The following ANKRD13C variants were observed in gnomAD, a reference collection of about 807,000 sequenced individuals.
ANKRD13C encodes the protein ankyrin repeat domain 13C.
A neutral mutation model predicts 65.5 loss-of-function variants in ANKRD13C; 16 were observed. The ratio of observed to expected loss-of-function variants is 0.24; its 90% CI spans 0.17 to 0.37. The LOEUF is 0.37. ANKRD13C is among the 10% of genes least tolerant of loss of function. The pLI, the probability that ANKRD13C is intolerant of heterozygous loss-of-function variation, is 1.00. For missense variants in ANKRD13C, 503 were observed against 655.9 expected, an observed-to-expected ratio of 0.77 and a Z score of 2.55; for synonymous variants, 235 against 238.7, an observed-to-expected ratio of 0.98 and a Z score of 0.14.
At chr1:70,343,637 C>A (rs115410806) in intron 1 of ANKRD13C, among the ~76,000 whole-genome samples, 272 of 152,236 alleles carry the variant, frequency 1.8e-3, no homozygotes, top group African/African-American at 6.3e-3. Context: ...GCAGCCTCTA[C>A]CTCCTGTGCC....
At chr1:70,328,712 T>C (rs1681654866) in intron 2 of ANKRD13C, among the ~76,000 whole-genome samples, 1 of 152,152 alleles carries the variant, frequency 6.6e-6, no homozygotes, top group Non-Finnish European at 1.5e-5. Context: ...GTGTGTATGT[T>C]CAGACACATG....
intron 3 of ANKRD13C, among the ~76,000 whole-genome samples, chr1:70,320,845 A>G (rs1288925458): frequency 6.6e-6 from 1 of 151,596 alleles, no homozygotes; most frequent in East Asian, 2.0e-4. Context: ...GTTGGAGTGC[A>G]GTGGCGTGAT....
At chr1:70,321,994 T>TA (rs1284748574) in intron 3 of ANKRD13C, among the ~76,000 whole-genome samples, 1 of 152,142 alleles carries the variant, frequency 6.6e-6, no homozygotes, top group Non-Finnish European at 1.5e-5. Flanking sequence ...ATCAAAAACT[T>TA]AAATCACAGT....
In ANKRD13C at chr1:70,324,950, G is replaced by C; in HGVS notation, c.480C>G (p.Ala160=). 1 of 1,607,200 alleles carries C rather than the reference G, an allele frequency of 6.2e-7. No individual in the cohort carries two copies. The highest frequency in any genetic ancestry group is 8.5e-7 in the Non-Finnish European group (1 of 1,175,974). Residue 160 remains alanine, a synonymous_variant, in exon 3 of 13, where the codon GCC becomes GCG. Transcript: ENST00000370944. ...LAVMLGNKEC[A]HLLLAHNAPV... ...GAGCATTGTGAGCCAAAAGTAAATG[G>C]GCACATTCTGCAATATAAAGTAGTA...
chr1:70,348,862 G>A (rs945443217), intron 1 of ANKRD13C, among the ~76,000 whole-genome samples: 3 of 152,112 alleles, frequency 2.0e-5, no homozygotes, highest in Middle Eastern at 3.2e-3. Context: ...TCACCTGCCA[G>A]GCAATGTAAT....
rs183495711 is a variant in ANKRD13C, at chr1:70,345,378, G to A, written c.430+8601C>T. ...CAGGAGGCAGAGGTTGCGGTGAGCC[G>A]AAATCGCACCATTGCACTCCAGCCT... On this transcript the variant is annotated intron_variant, in intron 1 of 12. Coordinates refer to ENST00000370944, the MANE Select transcript of ANKRD13C (RefSeq NM_030816.5). Among the ~76,000 whole-genome samples, 42 of 150,848 alleles carry A rather than the reference G, an allele frequency of 2.8e-4. 1 individual carries two copies. Among genetic ancestry groups the A allele is most frequent in the African/African-American group, 9.5e-4 (39 of 40,970 alleles).
rs1392139547 is a variant in ANKRD13C, at chr1:70,354,187, G to A, written c.222C>T (p.Gly74=). 1.2e-6 allele frequency: 2 copies of A among 1,613,754 alleles called. No individual in the cohort carries two copies. The highest frequency in any genetic ancestry group is 1.7e-6 in the Non-Finnish European group (2 of 1,180,030). ...KAAPASSNPP[G]APALPLHNSS... ...AATTGTGCAGCGGCAGAGCCGGGGC[G>A]CCGGGGGGATTGGAGGAGGCCGGAG... is the stretch of plus-strand genomic sequence containing the variant. The change falls in exon 1 of 13, where the codon GGC becomes GGT. Residue 74 remains glycine, a synonymous_variant. Coordinates refer to ENST00000370944, the MANE Select transcript of ANKRD13C (RefSeq NM_030816.5).
chr1:70,309,069 G>A (rs1680722053), intron 5 of ANKRD13C, among the ~76,000 whole-genome samples: 1 of 146,606 alleles, frequency 6.8e-6, no homozygotes, highest in Non-Finnish European at 1.5e-5. Flanking sequence ...TTTAGACAGA[G>A]TGTCGCTCTG....
chr1:70,275,086 T>C (rs1679069531), intron 10 of ANKRD13C, among the ~76,000 whole-genome samples: 1 of 152,224 alleles, frequency 6.6e-6, no homozygotes, highest in Non-Finnish European at 1.5e-5. Flanking sequence ...CCACTATTTT[T>C]AGGAATAAAG....
intron 6 of ANKRD13C, among the ~76,000 whole-genome samples, chr1:70,302,312 G>A (rs147114365): frequency 1.3e-5 from 2 of 151,968 alleles, no homozygotes; most frequent in Non-Finnish European, 2.9e-5. Context: ...GGGGCGGCGG[G>A]GGGGCGGGGG....
At chr1:70,276,177 C>T (rs1050754737) in intron 10 of ANKRD13C, among the ~76,000 whole-genome samples, 1 of 152,024 alleles carries the variant, frequency 6.6e-6, no homozygotes, top group Non-Finnish European at 1.5e-5. Flanking sequence ...AAAATAAACC[C>T]TTTCTTTATT....
intron 6 of ANKRD13C, among the ~76,000 whole-genome samples, chr1:70,302,912 G>C (rs1182118822): frequency 1.3e-5 from 2 of 151,982 alleles, no homozygotes; most frequent in Non-Finnish European, 2.9e-5. Context: ...AGAAGAAATG[G>C]GCTAAAACAG....
chr1:70,319,648 A>G (rs1681223159), intron 3 of ANKRD13C, among the ~76,000 whole-genome samples: 3 of 128,808 alleles, frequency 2.3e-5, no homozygotes, highest in Non-Finnish European at 3.3e-5. Context: ...TCCCTAGCAT[A>G]TGCCTTTTTT....
rs1291935561 is a variant in ANKRD13C at position 70,260,198 on chromosome 1, C to G, written c.*2519G>C. Among the ~76,000 whole-genome samples the G allele has an allele frequency of 6.6e-6, 1 of 152,086 alleles. No homozygotes were observed. Among genetic ancestry groups the G allele is most frequent in the African/African-American group, 2.4e-5 (1 of 41,428 alleles). On this transcript the variant is annotated 3_prime_UTR_variant, in exon 13 of 13. Transcript: ENST00000370944. ...CCATCATCTGTACTTCTTATACTCACAAAAATCAGGGCATCTACTTCATAC... is the reference window on the plus strand; with the variant it reads ...CCATCATCTGTACTTCTTATACTCAGAAAAATCAGGGCATCTACTTCATAC...
chr1:70,323,875 C>A (rs1186586530), intron 3 of ANKRD13C, among the ~76,000 whole-genome samples: 9 of 151,274 alleles, frequency 5.9e-5, no homozygotes, highest in Admixed American at 5.3e-4. Flanking sequence ...CAGGTGCCCA[C>A]CACCATGCCT....
intron 9 of ANKRD13C, among the ~76,000 whole-genome samples, chr1:70,281,123 T>C (rs149596824): frequency 6.6e-6 from 1 of 152,222 alleles, no homozygotes; most frequent in Non-Finnish European, 1.5e-5. Flanking sequence ...TAGACATCTA[T>C]GTTTATCCAA....
At chr1:70,351,159 T>C (rs1682727694) in intron 1 of ANKRD13C, among the ~76,000 whole-genome samples, 1 of 152,230 alleles carries the variant, frequency 6.6e-6, no homozygotes, top group African/African-American at 2.4e-5. Flanking sequence ...GGATTAAATG[T>C]TACAATGTAT....
rs183477031 is a variant in ANKRD13C at position 70,268,938 on chromosome 1, T to A, written c.1495+1918A>T. ...AGTTTTAGGGTACATGTGCACAATG[T>A]GCAGGTTAGTTACATATGTATACAT... is the stretch of plus-strand genomic sequence containing the variant. On this transcript the variant is annotated intron_variant, in intron 12 of 12. Coordinates refer to ENST00000370944, the MANE Select transcript of ANKRD13C (RefSeq NM_030816.5). Among the ~76,000 whole-genome samples the A allele has an allele frequency of 4.3e-4, 65 of 152,246 alleles. No individual in the cohort carries two copies. The East Asian group carries it at 0.011, about 25-fold the overall frequency.
At chr1:70,271,040 T>C (rs767289898) in intron 11 of ANKRD13C, 84 bp from the exon 12 acceptor site, 3 of 780,752 alleles carry the variant, frequency 3.8e-6, no homozygotes, top group Non-Finnish European at 6.4e-6. Context: ...GCTTCAAACC[T>C]GGACAGTAGT....
Sources: allele counts gnomAD v4.1 joint callset (sites outside exome capture counted in the v4.1 genomes callset), GRCh38; gene constraint gnomAD v4.1.1; transcripts MANE v1.5; gene names NCBI Gene and HGNC (gene_info 2026-07-23, HGNC 2026-07-21).